Variants in DIP2B observed in about 807,000 individuals in gnomAD.
DIP2B encodes the protein disco-interacting protein 2 homolog B.
DIP2B carries 76 observed loss-of-function variants against 198.0 expected under a neutral mutation model. That is an observed-to-expected ratio of 0.38 (90% CI 0.32 to 0.46). The LOEUF is 0.46. Among genes scored for constraint, DIP2B ranks in the 20% least tolerant of loss-of-function variants. DIP2B has a pLI of 0.99. For synonymous variants in DIP2B, 701 were observed against 739.1 expected (o/e 0.95, Z 0.84); for missense variants, 1,559 against 1,978.4 (o/e 0.79, Z 4.02).
At chr12:50,698,589 T>C in intron 18 of DIP2B, 122 bp downstream of exon 18, 2 of 1,161,878 alleles carry the variant, frequency 1.7e-6, no homozygotes, top group African/African-American at 3.1e-5. Context: ...GCATTTAATT[T>C]CTCAGAGCCT....
intron 25 of DIP2B, among the ~76,000 whole-genome samples, chr12:50,720,334 T>A (rs1019042138): frequency 2.2e-4 from 33 of 152,034 alleles, no homozygotes; most frequent in African/African-American, 7.5e-4. Flanking sequence ...TAGTAGTATT[T>A]CTCCCCAGCA....
At chr12:50,594,787 A>G (rs1378608318) in intron 1 of DIP2B, among the ~76,000 whole-genome samples, 5 of 152,226 alleles carry the variant, frequency 3.3e-5, no homozygotes, top group African/African-American at 1.2e-4. Flanking sequence ...GGTTTTATAT[A>G]TAATAAAATG....
intron 14 of DIP2B, 95 bp from the exon 15 acceptor site, chr12:50,695,172 G>C: frequency 2.1e-6 from 2 of 939,400 alleles, no homozygotes; most frequent in Non-Finnish European, 3.3e-6. Context: ...AGTATTACTT[G>C]TATAATTAAA....
At chr12:50,522,122 C>T (rs1422609247) in intron 1 of DIP2B, among the ~76,000 whole-genome samples, 4 of 151,762 alleles carry the variant, frequency 2.6e-5, no homozygotes, top group East Asian at 1.9e-4. Flanking sequence ...TGCCTCAGCC[C>T]GCTGAGTAGC....
At chr12:50,569,241 C>T (rs1438004460) in intron 1 of DIP2B, among the ~76,000 whole-genome samples, 1 of 152,066 alleles carries the variant, frequency 6.6e-6, no homozygotes, top group Non-Finnish European at 1.5e-5. Flanking sequence ...CTATCTGGTC[C>T]TCAGTATGTG....
intron 4 of DIP2B, among the ~76,000 whole-genome samples, chr12:50,665,710 A>C (rs890881134): frequency 2.0e-5 from 3 of 151,940 alleles, no homozygotes; most frequent in African/African-American, 7.3e-5. Flanking sequence ...ACTTCAGTCA[A>C]GGCTGCAGTG....
At chr12:50,727,268 G>A (rs1346770928) in intron 28 of DIP2B, among the ~76,000 whole-genome samples, 2 of 152,190 alleles carry the variant, frequency 1.3e-5, no homozygotes, top group Admixed American at 6.5e-5. Flanking sequence ...CATTTCTTCA[G>A]TCAGTTGCTT....
intron 1 of DIP2B, among the ~76,000 whole-genome samples, chr12:50,583,198 A>C (rs1313243104): frequency 6.6e-6 from 1 of 152,016 alleles, no homozygotes; most frequent in African/African-American, 2.4e-5. Flanking sequence ...ACCCACACAC[A>C]TGTCCTTTAT....
chr12:50,612,849 A>G (rs908041978), intron 1 of DIP2B, among the ~76,000 whole-genome samples: 1 of 152,156 alleles, frequency 6.6e-6, no homozygotes, highest in African/African-American at 2.4e-5. Flanking sequence ...GCTAGCCTGG[A>G]TCATTGCTTC....
chr12:50,736,244 T>A (rs568062660), intron 34 of DIP2B, among the ~76,000 whole-genome samples: 1 of 152,296 alleles, frequency 6.6e-6, no homozygotes, highest in South Asian at 2.1e-4. Context: ...CCTTGTCACA[T>A]CTTCACTTGC....
intron 1 of DIP2B, among the ~76,000 whole-genome samples, chr12:50,562,215 C>T (rs1256873789): frequency 6.6e-6 from 1 of 152,046 alleles, no homozygotes; most frequent in Non-Finnish European, 1.5e-5. Flanking sequence ...TTCCAGATTT[C>T]CTAGCAAGTC....
chr12:50,506,374 C>T (rs1264272905), intron 1 of DIP2B, among the ~76,000 whole-genome samples: 5 of 151,910 alleles, frequency 3.3e-5, no homozygotes, highest in African/African-American at 1.2e-4. Context: ...TTAAACATTA[C>T]TTATTGTTTA....
At chr12:50,539,485 G>T (rs868082873) in intron 1 of DIP2B, among the ~76,000 whole-genome samples, 1 of 151,940 alleles carries the variant, frequency 6.6e-6, no homozygotes, top group Non-Finnish European at 1.5e-5. Flanking sequence ...GAGCGTAGTG[G>T]CAGGCGCCTG....
intron 1 of DIP2B, among the ~76,000 whole-genome samples, chr12:50,610,843 C>T (rs1383716465): frequency 7.0e-6 from 1 of 142,964 alleles, no homozygotes; most frequent in African/African-American, 2.6e-5. Flanking sequence ...CGCTCTGTTG[C>T]CTAGGCTGGA....
At chr12:50,552,062 CTTG>C (rs768020808) in intron 1 of DIP2B, among the ~76,000 whole-genome samples, 1 of 152,152 alleles carries the variant, frequency 6.6e-6, no homozygotes, top group Non-Finnish European at 1.5e-5. Flanking sequence ...CTCACCAACA[CTTG>C]TTATTACTTG....
At chr12:50,702,312 C>G (rs1364406737) in intron 19 of DIP2B, among the ~76,000 whole-genome samples, 1 of 151,960 alleles carries the variant, frequency 6.6e-6, no homozygotes. Context: ...TGCCACTGCA[C>G]TCCAGCCTGG....
intron 1 of DIP2B, among the ~76,000 whole-genome samples, chr12:50,569,164 T>G (rs1958592627): frequency 6.6e-6 from 1 of 152,102 alleles, no homozygotes; most frequent in African/African-American, 2.4e-5. Context: ...TTTGTTAATT[T>G]CAGGGCACAT....
intron 19 of DIP2B, among the ~76,000 whole-genome samples, chr12:50,703,316 C>G (rs1939455825): frequency 6.6e-6 from 1 of 150,588 alleles, no homozygotes; most frequent in Admixed American, 6.6e-5. Context: ...AAATGGATAG[C>G]ACATAGTACT....
chr12:50,569,363 A>C (rs1958594001), intron 1 of DIP2B, among the ~76,000 whole-genome samples: 1 of 152,156 alleles, frequency 6.6e-6, no homozygotes, highest in African/African-American at 2.4e-5. Flanking sequence ...GACCAAACAT[A>C]TCACTGTGAC....
Sources: gnomAD v4.1 joint callset for allele counts (sites outside exome capture counted in the v4.1 genomes callset) on GRCh38, gnomAD v4.1.1 for gene constraint, MANE v1.5 for transcripts, NCBI Gene and HGNC (gene_info 2026-07-23, HGNC 2026-07-21) for gene names.